Variants in R3HDM1 observed in about 807,000 individuals in gnomAD.
R3HDM1 encodes the protein R3H domain-containing protein 1.
A neutral mutation model predicts 141.1 loss-of-function variants in R3HDM1; 46 were observed. That is an observed-to-expected ratio of 0.33 (90% CI 0.26 to 0.42). The LOEUF (loss-of-function observed/expected upper bound fraction) is 0.42, where lower values mean the gene tolerates loss of function less well. Among genes scored for constraint, R3HDM1 ranks in the 10% least tolerant of loss-of-function variants. The probability of loss-of-function intolerance (pLI) is 1.00; values close to 1 mark genes in which losing one functional copy is unlikely to be tolerated. For synonymous variants in R3HDM1, 435 were observed against 472.9 expected, an observed-to-expected ratio of 0.92 and a Z score of 1.04; for missense variants, 1,184 against 1,368.3, an observed-to-expected ratio of 0.87 and a Z score of 2.12.
At chr2:135,670,535 C>T in intron 19 of R3HDM1, 1 of 447,032 alleles carries the variant, frequency 2.2e-6, no homozygotes, top group Non-Finnish European at 3.0e-6. Flanking sequence ...TTGAAATAGT[C>T]TGTGTCATAT....
chr2:135,589,877 A>T (rs180700996), intron 1 of R3HDM1, among the ~76,000 whole-genome samples: 1 of 152,060 alleles, frequency 6.6e-6, no homozygotes, highest in African/African-American at 2.4e-5. Context: ...CTGTCATCTT[A>T]TAAATATGCA....
chr2:135,581,334 CA>C (rs1706753433), intron 1 of R3HDM1: 1 of 985,170 alleles, frequency 1.0e-6, no homozygotes, highest in African/African-American at 1.7e-5. Flanking sequence ...CTCATAATTC[CA>C]ATTCCATTTC....
At position 135,723,778 on chromosome 2, in the gene R3HDM1, C is replaced by CAA. The variant is rs541423067; in HGVS notation, c.3050-133_3050-132dup. On this transcript the variant is annotated intron_variant, in intron 26 of 26. Transcript: ENST00000683871. ...GGAGACAGAGTCAGACTCCATCTCC[C>CAA]AAAAAAAAAAAAAAAAAAAAAAAAA... 3.9e-3 allele frequency among the ~76,000 whole-genome samples: 218 copies of CAA among 55,286 alleles called. 10 individuals are homozygous for CAA. The highest frequency in any genetic ancestry group is 0.012 in the African/African-American group (174 of 14,514). 36.3% of individuals were successfully genotyped at this position (55,286 alleles called of 152,430 possible). A position where few individuals can be genotyped will look rare whatever the true frequency, so the allele number is the denominator to read the frequency against.
At chr2:135,680,587 T>C (rs2070112717) in intron 21 of R3HDM1, among the ~76,000 whole-genome samples, 1 of 152,222 alleles carries the variant, frequency 6.6e-6, no homozygotes, top group Non-Finnish European at 1.5e-5. Flanking sequence ...CTGGCCAACA[T>C]GGTGAAACCC....
intron 1 of R3HDM1, among the ~76,000 whole-genome samples, chr2:135,562,373 T>C (rs982724618): frequency 1.3e-5 from 2 of 152,228 alleles, no homozygotes; most frequent in Non-Finnish European, 2.9e-5. Flanking sequence ...AACATACTAA[T>C]TCTATCAAAA....
chr2:135,617,326 C>CAA (rs1217130497), intron 5 of R3HDM1, among the ~76,000 whole-genome samples: 72 of 140,020 alleles, frequency 5.1e-4, no homozygotes, highest in African/African-American at 2.1e-3. Context: ...GACTCCATCT[C>CAA]AAAAAAAAAT....
intron 21 of R3HDM1, among the ~76,000 whole-genome samples, chr2:135,700,172 C>CAA (rs1256040974): frequency 8.8e-4 from 125 of 142,236 alleles, no homozygotes; most frequent in African/African-American, 3.0e-3. Flanking sequence ...TAAAAAGATG[C>CAA]AAAAAAAAAA....
chr2:135,591,291 G>A (rs1709215179), intron 1 of R3HDM1, among the ~76,000 whole-genome samples: 1 of 152,132 alleles, frequency 6.6e-6, no homozygotes, highest in Non-Finnish European at 1.5e-5. Context: ...TGAAATGTTG[G>A]TCATGGGTAA....
At chr2:135,551,743 G>C (rs1216370402) in intron 1 of R3HDM1, among the ~76,000 whole-genome samples, 7 of 152,154 alleles carry the variant, frequency 4.6e-5, no homozygotes, top group Non-Finnish European at 1.0e-4. Context: ...AGATCGGGGG[G>C]TGTATCTTTC....
At chr2:135,678,694 C>CCTATCATTA (rs1168788670) in intron 20 of R3HDM1, among the ~76,000 whole-genome samples, 1 of 151,728 alleles carries the variant, frequency 6.6e-6, no homozygotes, top group African/African-American at 2.4e-5. Context: ...GTTAACCCTC[C>CCTATCATTA]CTATCATTAC....
chr2:135,684,748 G>C (rs2592399), intron 21 of R3HDM1, among the ~76,000 whole-genome samples: 5 of 147,286 alleles, frequency 3.4e-5, no homozygotes, highest in African/African-American at 9.9e-5. Flanking sequence ...ATTCTCTTGC[G>C]TTTTTTTTTT....
intron 1 of R3HDM1, among the ~76,000 whole-genome samples, chr2:135,598,287 C>T (rs1187799750): frequency 1.3e-5 from 2 of 152,128 alleles, no homozygotes; most frequent in Non-Finnish European, 2.9e-5. Context: ...TTATATAATT[C>T]CTGGCAGTTC....
At chr2:135,675,517 G>A (rs758695499) in intron 20 of R3HDM1, 31 bp downstream of exon 20, 2 of 1,572,156 alleles carry the variant, frequency 1.3e-6, no homozygotes, top group East Asian at 4.5e-5. Flanking sequence ...ACTTTGGGTA[G>A]AGATGATTTC....
intron 1 of R3HDM1, among the ~76,000 whole-genome samples, chr2:135,600,531 T>A (rs2059543443): frequency 1.3e-5 from 2 of 152,188 alleles, no homozygotes; most frequent in African/African-American, 4.8e-5. Flanking sequence ...AGCTAGATAT[T>A]CTTTTTTCCA....
intron 1 of R3HDM1, chr2:135,559,104 T>G: frequency 1.1e-6 from 1 of 925,172 alleles, no homozygotes; most frequent in Non-Finnish European, 1.3e-6. Flanking sequence ...CATGCGTGTG[T>G]GTGTGTGGTT....
At chr2:135,589,983 T>C (rs867203076) in intron 1 of R3HDM1, among the ~76,000 whole-genome samples, 1 of 152,162 alleles carries the variant, frequency 6.6e-6, no homozygotes, top group Admixed American at 6.6e-5. Flanking sequence ...CCTAAAAGCA[T>C]GTGTAAACTG....
chr2:135,599,860 C>T (rs567561766), intron 1 of R3HDM1, among the ~76,000 whole-genome samples: 4 of 151,966 alleles, frequency 2.6e-5, no homozygotes, highest in East Asian at 1.9e-4. Context: ...AGCAAGACCC[C>T]GTCTCTACAA....
chr2:135,723,443 C>T (rs1038744284), intron 26 of R3HDM1, among the ~76,000 whole-genome samples: 55 of 151,776 alleles, frequency 3.6e-4, no homozygotes, highest in Non-Finnish European at 6.3e-4. Context: ...GCCCTCTATT[C>T]CTTGCCTATC....
At chr2:135,579,323 A>G (rs1412543575) in intron 1 of R3HDM1, among the ~76,000 whole-genome samples, 1 of 152,234 alleles carries the variant, frequency 6.6e-6, no homozygotes, top group African/African-American at 2.4e-5. Context: ...CCCACAAAAT[A>G]AAACACATGT....
Sources: allele counts gnomAD v4.1 joint callset (sites outside exome capture counted in the v4.1 genomes callset), GRCh38; gene constraint gnomAD v4.1.1; transcripts MANE v1.5; gene names NCBI Gene and HGNC (gene_info 2026-07-23, HGNC 2026-07-21).